The following ITGBL1 variants were observed in gnomAD, a reference collection of about 807,000 sequenced individuals.
ITGBL1 encodes integrin beta-like protein 1.
A neutral mutation model predicts 68.5 loss-of-function variants in ITGBL1; 51 were observed. That is an observed-to-expected ratio of 0.74 (90% CI 0.59 to 0.94). The LOEUF (loss-of-function observed/expected upper bound fraction) is 0.94. ITGBL1 is among the 40% of genes least tolerant of loss of function. The pLI is 0.00. For missense variants in ITGBL1, 649 were observed against 647.4 expected, an observed-to-expected ratio of 1.00 and a Z score of -0.03; for synonymous variants, 209 against 227.3, an observed-to-expected ratio of 0.92 and a Z score of 0.72.
intron 7 of ITGBL1, among the ~76,000 whole-genome samples, chr13:101,680,673 A>G (rs776871070): frequency 2.6e-5 from 4 of 152,156 alleles, no homozygotes; most frequent in Non-Finnish European, 4.4e-5. Flanking sequence ...AACACATACT[A>G]TGTGCCAAGC....
At chr13:101,546,806 T>G (rs1197452838) in intron 2 of ITGBL1, among the ~76,000 whole-genome samples, 1 of 152,014 alleles carries the variant, frequency 6.6e-6, no homozygotes, top group Non-Finnish European at 1.5e-5. Flanking sequence ...CAAAAAGAGA[T>G]AGAACATGTT....
At chr13:101,502,664 T>C (rs1487274558) in intron 2 of ITGBL1, among the ~76,000 whole-genome samples, 1 of 152,206 alleles carries the variant, frequency 6.6e-6, no homozygotes, top group Non-Finnish European at 1.5e-5. Flanking sequence ...CTCTGAATAT[T>C]TAATGCCTTG....
intron 9 of ITGBL1, chr13:101,713,655 A>C (rs944900328): frequency 3.9e-5 from 6 of 152,280 alleles, no homozygotes; most frequent in African/African-American, 1.4e-4. Context: ...CTTGGATACC[A>C]TTCATCATCT....
chr13:101,547,218 G>A (rs998195611), intron 2 of ITGBL1, among the ~76,000 whole-genome samples: 2 of 151,602 alleles, frequency 1.3e-5, no homozygotes, highest in East Asian at 3.9e-4. Flanking sequence ...TTTGTTTTGT[G>A]TATGCCTATA....
chr13:101,475,864 C>T (rs2139650670), intron 2 of ITGBL1, among the ~76,000 whole-genome samples: 1 of 152,174 alleles, frequency 6.6e-6, no homozygotes, highest in Middle Eastern at 3.4e-3. Context: ...TGAAAATATC[C>T]TTCAAACATA....
chr13:101,524,389 CTTT>C (rs67860075), intron 2 of ITGBL1, among the ~76,000 whole-genome samples: 43 of 147,222 alleles, frequency 2.9e-4, no homozygotes, highest in Middle Eastern at 3.5e-3. Flanking sequence ...TATTCTTATT[CTTT>C]TTTTTTTTTG....
intron 3 of ITGBL1, among the ~76,000 whole-genome samples, chr13:101,574,051 T>G (rs2050315208): frequency 1.3e-5 from 2 of 152,162 alleles, no homozygotes; most frequent in Admixed American, 6.6e-5. Flanking sequence ...GTTCATTCAC[T>G]CTTATGCTAT....
intron 9 of ITGBL1, chr13:101,710,906 T>G (rs1437949539): frequency 6.6e-6 from 1 of 152,220 alleles, no homozygotes; most frequent in Non-Finnish European, 1.5e-5. Flanking sequence ...GTGACCTTCA[T>G]AACAGATGGA....
chr13:101,532,871 G>T (rs36115780), intron 2 of ITGBL1, among the ~76,000 whole-genome samples: 3 of 152,094 alleles, frequency 2.0e-5, no homozygotes, highest in Non-Finnish European at 2.9e-5. Context: ...TCAAAGACAT[G>T]CAATTAAACT....
chr13:101,458,440 A>G (rs1398995312), intron 2 of ITGBL1, among the ~76,000 whole-genome samples: 3 of 152,214 alleles, frequency 2.0e-5, no homozygotes, highest in Non-Finnish European at 4.4e-5. Context: ...GTAATAAAAG[A>G]TATGTTGAGA....
intron 7 of ITGBL1, among the ~76,000 whole-genome samples, chr13:101,657,118 C>T (rs2032951839): frequency 6.6e-6 from 1 of 152,120 alleles, no homozygotes; most frequent in Admixed American, 6.6e-5. Context: ...AATGGCTTGA[C>T]TTGGCCTTAA....
At chr13:101,636,931 A>T (rs2032189040) in intron 7 of ITGBL1, among the ~76,000 whole-genome samples, 1 of 152,172 alleles carries the variant, frequency 6.6e-6, no homozygotes, top group Non-Finnish European at 1.5e-5. Context: ...AATTTAATTA[A>T]ATTAATTTTA....
chr13:101,488,167 C>G (rs2048726224), intron 2 of ITGBL1, among the ~76,000 whole-genome samples: 1 of 152,178 alleles, frequency 6.6e-6, no homozygotes, highest in African/African-American at 2.4e-5. Context: ...AAGGAGCCAG[C>G]CTTAGCATTG....
chr13:101,599,338 C>T (rs1170116445), intron 7 of ITGBL1, among the ~76,000 whole-genome samples: 2 of 151,528 alleles, frequency 1.3e-5, no homozygotes, highest in Non-Finnish European at 2.9e-5. Flanking sequence ...GGATATTAGC[C>T]CTTTCTCAGA....
chr13:101,625,966 C>T (rs1035714483), intron 7 of ITGBL1, among the ~76,000 whole-genome samples: 3 of 152,158 alleles, frequency 2.0e-5, no homozygotes, highest in Non-Finnish European at 4.4e-5. Context: ...GTAGATTTCT[C>T]TTTTACCCAG....
intron 2 of ITGBL1, among the ~76,000 whole-genome samples, chr13:101,470,793 A>G (rs1002043843): frequency 8.5e-5 from 13 of 152,204 alleles, no homozygotes; most frequent in Admixed American, 7.2e-4. Context: ...CTATTTAATT[A>G]TAATCATCCT....
intron 6 of ITGBL1, among the ~76,000 whole-genome samples, chr13:101,591,006 C>T (rs912101242): frequency 1.3e-5 from 2 of 152,028 alleles, no homozygotes; most frequent in Non-Finnish European, 2.9e-5. Flanking sequence ...TGGGTTCAAG[C>T]AATTCTCCTG....
intron 6 of ITGBL1, among the ~76,000 whole-genome samples, chr13:101,596,997 C>T (rs1022518437): frequency 1.3e-5 from 2 of 152,078 alleles, no homozygotes; most frequent in Non-Finnish European, 2.9e-5. Context: ...GTAGTGAATT[C>T]ATGTCACTAT....
intron 2 of ITGBL1, among the ~76,000 whole-genome samples, chr13:101,460,294 G>C (rs1292009088): frequency 6.6e-6 from 1 of 152,126 alleles, no homozygotes; most frequent in Admixed American, 6.5e-5. Context: ...ATAAATGTCT[G>C]TAACAGACAG....
Sources: gnomAD v4.1 joint callset for allele counts (sites outside exome capture counted in the v4.1 genomes callset) on GRCh38, gnomAD v4.1.1 for gene constraint, MANE v1.5 for transcripts, NCBI Gene and HGNC (gene_info 2026-07-23, HGNC 2026-07-21) for gene names.